Variants in DNM3 observed in about 807,000 individuals in gnomAD.
DNM3 encodes the protein dynamin 3, also known as dynamin-3.
Under a neutral mutation model 101.6 loss-of-function variants are expected in DNM3, and 47 were observed. The ratio of observed to expected loss-of-function variants is 0.46; its 90% confidence interval spans 0.37 to 0.59. DNM3 has a LOEUF of 0.59. Ranked by LOEUF, DNM3 falls within the 20% of genes least tolerant of loss-of-function variation. The pLI is 0.00. For synonymous variants in DNM3, 385 were observed against 387.9 expected (o/e 0.99, Z 0.09); for missense variants, 849 against 1,085.7 (o/e 0.78, Z 3.06).
At chr1:171,882,729 T>C (rs1278115651) in intron 1 of DNM3, among the ~76,000 whole-genome samples, 1 of 152,120 alleles carries the variant, frequency 6.6e-6, no homozygotes, top group Non-Finnish European at 1.5e-5. Flanking sequence ...TTTCATGACA[T>C]TGATATTTTT....
chr1:172,257,996 A>C (rs1215770652), intron 15 of DNM3, among the ~76,000 whole-genome samples: 2 of 151,960 alleles, frequency 1.3e-5, no homozygotes, highest in East Asian at 3.9e-4. Context: ...CCGTGAGATA[A>C]ACTTTTTAAA....
chr1:172,258,602 A>G (rs1445274690), intron 15 of DNM3, among the ~76,000 whole-genome samples: 1 of 151,894 alleles, frequency 6.6e-6, no homozygotes, highest in African/African-American at 2.4e-5. Flanking sequence ...ATTAGTTGTA[A>G]TATCTTTTTT....
chr1:172,093,828 T>A, intron 13 of DNM3: 1 of 1,127,624 alleles, frequency 8.9e-7, no homozygotes, highest in Non-Finnish European at 1.3e-6. Context: ...TTGCTACTAA[T>A]TTTTTTTAAA....
At chr1:171,995,866 G>A (rs1314363168) in intron 4 of DNM3, among the ~76,000 whole-genome samples, 1 of 151,984 alleles carries the variant, frequency 6.6e-6, no homozygotes, top group African/African-American at 2.4e-5. Context: ...CATAATTATC[G>A]TCTTCTGAGA....
chr1:171,948,664 G>C (rs912766467), intron 2 of DNM3, among the ~76,000 whole-genome samples: 1 of 152,100 alleles, frequency 6.6e-6, no homozygotes, highest in Non-Finnish European at 1.5e-5. Flanking sequence ...GGTTCTACTG[G>C]AACCCTGTTA....
chr1:172,152,498 G>A (rs910075879), intron 14 of DNM3, among the ~76,000 whole-genome samples: 4 of 152,144 alleles, frequency 2.6e-5, no homozygotes, highest in Non-Finnish European at 5.9e-5. Context: ...CTCACCCTGT[G>A]ATTCTTATAC....
intron 4 of DNM3, among the ~76,000 whole-genome samples, chr1:172,008,902 A>C (rs1168725612): frequency 7.2e-6 from 1 of 138,050 alleles, no homozygotes; most frequent in African/African-American, 2.6e-5. Context: ...AATATTAATA[A>C]ATATATCATA....
chr1:172,080,228 C>T (rs139735327), intron 11 of DNM3, among the ~76,000 whole-genome samples: 3,539 of 152,280 alleles, frequency 0.023, 51 homozygotes, highest in Middle Eastern at 0.037. Flanking sequence ...CCCACAGCTG[C>T]CCCTTCCCCC....
At chr1:172,104,735 A>T (rs1256732326) in intron 13 of DNM3, among the ~76,000 whole-genome samples, 1 of 152,182 alleles carries the variant, frequency 6.6e-6, no homozygotes, top group African/African-American at 2.4e-5. Context: ...TACCTACCTT[A>T]AGAGCAGTTA....
chr1:172,302,260 G>A (rs1305072791), intron 15 of DNM3, among the ~76,000 whole-genome samples: 1 of 152,246 alleles, frequency 6.6e-6, no homozygotes, highest in African/African-American at 2.4e-5. Context: ...ACGGAGCCTT[G>A]CTCACTGCTA....
intron 4 of DNM3, among the ~76,000 whole-genome samples, chr1:172,004,982 A>G (rs772523225): frequency 6.6e-6 from 1 of 152,044 alleles, no homozygotes; most frequent in Admixed American, 6.6e-5. Context: ...TTCTGAAGAA[A>G]TTTTGCTTTA....
At chr1:172,381,704 T>C (rs1359290478) in intron 18 of DNM3, among the ~76,000 whole-genome samples, 1 of 152,082 alleles carries the variant, frequency 6.6e-6, no homozygotes, top group Admixed American at 6.6e-5. Context: ...TTTTTTAACT[T>C]GATTCAAAGT....
intron 2 of DNM3, among the ~76,000 whole-genome samples, chr1:171,946,441 A>G (rs931816187): frequency 1.3e-5 from 2 of 152,122 alleles, no homozygotes; most frequent in Non-Finnish European, 2.9e-5. Context: ...CATGGGAGAT[A>G]TGATAGCTTT....
At chr1:172,029,408 A>G (rs1045196734) in intron 4 of DNM3, among the ~76,000 whole-genome samples, 4 of 152,190 alleles carry the variant, frequency 2.6e-5, no homozygotes, top group African/African-American at 9.7e-5. Flanking sequence ...ACGTATCTCA[A>G]AATAATAAGA....
At chr1:172,155,019 GT>G (rs535020587) in intron 14 of DNM3, among the ~76,000 whole-genome samples, 43 of 151,886 alleles carry the variant, frequency 2.8e-4, no homozygotes, top group Non-Finnish European at 4.0e-4. Context: ...AGATTGAACT[GT>G]TTTTATTTTG....
At chr1:172,228,979 A>G (rs1268979150) in intron 14 of DNM3, among the ~76,000 whole-genome samples, 2 of 152,138 alleles carry the variant, frequency 1.3e-5, no homozygotes, top group Non-Finnish European at 2.9e-5. Context: ...ACTTTTTCCA[A>G]GTGGCTCAAT....
intron 1 of DNM3, among the ~76,000 whole-genome samples, chr1:171,858,956 C>T (rs2033896585): frequency 6.6e-6 from 1 of 152,096 alleles, no homozygotes; most frequent in Non-Finnish European, 1.5e-5. Flanking sequence ...AATACTTTCC[C>T]CATTTGTAAC....
rs58009573 is a variant in DNM3, at chr1:172,068,531, A to G, written c.1336-288A>G. ...CATCTTTGAATTTTATTAAGTGCCA[A>G]CTCAGCAGGAGCACAGTGCTAGATG... On this transcript the variant is annotated intron_variant, in intron 10 of 20. Coordinates refer to ENST00000627582, the MANE Select transcript of DNM3 (RefSeq NM_015569.5). Among the ~76,000 whole-genome samples the G allele has an allele frequency of 0.019, 2,955 of 152,016 alleles. 89 individuals are homozygous for G. Among genetic ancestry groups the G allele is most frequent in the African/African-American group, 0.066 (2,724 of 41,432 alleles).
intron 9 of DNM3, among the ~76,000 whole-genome samples, chr1:172,045,985 A>T (rs928985889): frequency 2.0e-5 from 3 of 152,212 alleles, no homozygotes; most frequent in Non-Finnish European, 2.9e-5. Flanking sequence ...ACCATTGTGA[A>T]AGTCAGTGTG....
Sources: gnomAD v4.1 joint callset for allele counts (sites outside exome capture counted in the v4.1 genomes callset) on GRCh38, gnomAD v4.1.1 for gene constraint, MANE v1.5 for transcripts, NCBI Gene and HGNC (gene_info 2026-07-23, HGNC 2026-07-21) for gene names.